Variants in MEIKIN observed in about 807,000 individuals in gnomAD.
MEIKIN encodes meiosis-specific kinetochore protein.
At chr5:131,935,042 A>T (rs1294604286) in intron 4 of MEIKIN, among the ~76,000 whole-genome samples, 1 of 151,620 alleles carries the variant, frequency 6.6e-6, no homozygotes, top group East Asian at 1.9e-4. Flanking sequence ...GCCTGGTGAC[A>T]GAGTGAGACT....
At chr5:131,929,602 G>A (rs1751648292) in intron 5 of MEIKIN, among the ~76,000 whole-genome samples, 1 of 152,108 alleles carries the variant, frequency 6.6e-6, no homozygotes, top group African/African-American at 2.4e-5. Flanking sequence ...GTGTGTCACT[G>A]GGGCTTGGTG....
chr5:131,809,252 A>G (rs1772908217), intron 12 of MEIKIN, among the ~76,000 whole-genome samples: 1 of 152,148 alleles, frequency 6.6e-6, no homozygotes, highest in Non-Finnish European at 1.5e-5. Flanking sequence ...ATAACTGGAG[A>G]ACTTCATCTT....
At chr5:131,807,883 G>C (rs2149599086) in intron 12 of MEIKIN, among the ~76,000 whole-genome samples, 1 of 152,186 alleles carries the variant, frequency 6.6e-6, no homozygotes, top group East Asian at 1.9e-4. Context: ...AAACTACCTA[G>C]GATTTTAAAA....
intron 11 of MEIKIN, among the ~76,000 whole-genome samples, chr5:131,835,171 T>C (rs1375864004): frequency 6.6e-6 from 1 of 151,650 alleles, no homozygotes. Context: ...GTGTTCCATA[T>C]ATATATGTGT....
chr5:131,879,571 T>C (rs1461399742), intron 8 of MEIKIN, among the ~76,000 whole-genome samples: 1 of 152,222 alleles, frequency 6.6e-6, no homozygotes, highest in Non-Finnish European at 1.5e-5. Flanking sequence ...TTGTACCTCA[T>C]ATCCACCTCC....
intron 11 of MEIKIN, among the ~76,000 whole-genome samples, chr5:131,845,207 T>C (rs1749992630): frequency 6.8e-6 from 1 of 146,328 alleles, no homozygotes; most frequent in Non-Finnish European, 1.5e-5. Flanking sequence ...GAGGCAGAGT[T>C]TGCAGTGAGC....
rs990139733 is a variant in MEIKIN, at chr5:131,917,458, T to C, written c.599-533A>G. ...GCATATGCCTGTAATCCCAGCTACT[T>C]GGGAGGCTGGGGCACGAGAATTGCT... is the stretch of plus-strand genomic sequence containing the variant. On this transcript the variant is annotated intron_variant, in intron 6 of 12. Transcript: ENST00000442687. 3.4e-5 allele frequency among the ~76,000 whole-genome samples: 5 copies of C among 148,940 alleles called. No individual in the cohort carries two copies. In the Admixed American group the frequency reaches 3.4e-4, roughly 10 times the overall value.
chr5:131,836,671 A>G (rs1749814167), intron 11 of MEIKIN, among the ~76,000 whole-genome samples: 1 of 150,074 alleles, frequency 6.7e-6, no homozygotes, highest in African/African-American at 2.5e-5. Context: ...TTTTTTTTAT[A>G]CACTTTTTGG....
chr5:131,852,075 A>G (rs1017529304), intron 10 of MEIKIN, among the ~76,000 whole-genome samples: 1 of 152,210 alleles, frequency 6.6e-6, no homozygotes, highest in Non-Finnish European at 1.5e-5. Context: ...TAAACAAAAT[A>G]TGGTATATGT....
chr5:131,860,717 G>A (rs1475538096), intron 9 of MEIKIN, among the ~76,000 whole-genome samples: 2 of 143,846 alleles, frequency 1.4e-5, no homozygotes, highest in Non-Finnish European at 3.0e-5. Context: ...AAAGTGCTGG[G>A]ATTACAGGCG....
chr5:131,932,151 G>A (rs2149652186), intron 5 of MEIKIN, among the ~76,000 whole-genome samples: 1 of 152,240 alleles, frequency 6.6e-6, no homozygotes, highest in South Asian at 2.1e-4. Context: ...GGGGTGGGGT[G>A]GAAATAAGCA....
chr5:131,852,234 T>G (rs1750127486), intron 10 of MEIKIN, among the ~76,000 whole-genome samples: 1 of 152,092 alleles, frequency 6.6e-6, no homozygotes, highest in South Asian at 2.1e-4. Context: ...TCCATACTGT[T>G]CTGATGATAG....
rs560863636 is a variant in MEIKIN, at chr5:131,884,042, G to A, written c.704-4994C>T. On this transcript the variant is annotated intron_variant, in intron 8 of 12. Transcript: ENST00000442687. ...GAGTTCCAGCAAGCCTTGCCACTAT[G>A]GAATAAAATGCTCTGGGGCCCTAAA... 4.6e-5 allele frequency among the ~76,000 whole-genome samples: 7 copies of A among 152,032 alleles called. No homozygotes were observed. In the East Asian group the frequency reaches 1.2e-3, roughly 25 times the overall value.
At position 131,944,757 on chromosome 5, in the gene MEIKIN, CAA is replaced by C. The variant is rs1193442203; in HGVS notation, c.201-7_201-6del. ...CCTGTAACTCCTAAGCGAGGGCTAA[CAA>C]AGAGACAACGCAATTAGTTTGCACC... On this transcript the variant is annotated splice_polypyrimidine_tract_variant and splice_region_variant and intron_variant, in intron 2 of 12. Transcript: ENST00000442687. 3 of 398,928 alleles carry C rather than the reference CAA, an allele frequency of 7.5e-6. No individual in the cohort carries two copies. Among genetic ancestry groups the C allele is most frequent in the African/African-American group, 2.1e-5 (1 of 48,616 alleles). 24.7% of individuals were successfully genotyped at this position (398,928 alleles called of 1,614,324 possible). A position where few individuals can be genotyped will look rare whatever the true frequency, so the allele number is the denominator to read the frequency against.
chr5:131,832,592 C>A (rs556987085), intron 11 of MEIKIN, among the ~76,000 whole-genome samples: 1 of 152,338 alleles, frequency 6.6e-6, no homozygotes, highest in Admixed American at 6.5e-5. Flanking sequence ...ACTCCAACCC[C>A]ACATTTCCCT....
At position 131,849,981 on chromosome 5, in the gene MEIKIN, C is replaced by G. The variant is rs1043095992; in HGVS notation, c.975+1283G>C. Among the ~76,000 whole-genome samples, 6 of 150,606 alleles carry G rather than the reference C, an allele frequency of 4.0e-5. No individual in the cohort carries two copies. In the East Asian group the frequency reaches 1.2e-3, roughly 29 times the overall value. ...ATGAATTCAGCAAATTAACAGGACACAAAGTCAATACACAAAAATCAGGTG... is the reference window on the plus strand; with the variant it reads ...ATGAATTCAGCAAATTAACAGGACAGAAAGTCAATACACAAAAATCAGGTG... On this transcript the variant is annotated intron_variant, in intron 11 of 12. Coordinates refer to ENST00000442687, the MANE Select transcript of MEIKIN (RefSeq NM_001303622.2).
intron 11 of MEIKIN, among the ~76,000 whole-genome samples, chr5:131,820,541 G>C (rs57101164): frequency 0.027 from 4,037 of 152,242 alleles, 186 homozygotes; most frequent in African/African-American, 0.092. Context: ...TGGCCTCACA[G>C]AATGAATTTG....
At chr5:131,904,116 C>A (rs769729140) in intron 8 of MEIKIN, among the ~76,000 whole-genome samples, 2 of 152,078 alleles carry the variant, frequency 1.3e-5, no homozygotes, top group Non-Finnish European at 2.9e-5. Flanking sequence ...AACAAGAAGA[C>A]CTATCTTTCC....
chr5:131,893,290 G>T (rs972126135), intron 8 of MEIKIN, among the ~76,000 whole-genome samples: 1 of 152,196 alleles, frequency 6.6e-6, no homozygotes, highest in African/African-American at 2.4e-5. Context: ...CTTGGGAATG[G>T]TGGGCGCCCC....
Sources: allele counts gnomAD v4.1 joint callset (sites outside exome capture counted in the v4.1 genomes callset), GRCh38; gene constraint gnomAD v4.1.1; transcripts MANE v1.5; gene names NCBI Gene and HGNC (gene_info 2026-07-23, HGNC 2026-07-21).